PREX2: variants seen among roughly 807,000 people sequenced by gnomAD.
PREX2 encodes the protein phosphatidylinositol-3,4,5-trisphosphate dependent Rac exchange factor 2, also known as phosphatidylinositol 3,4,5-trisphosphate-dependent Rac exchanger 2 protein.
Under a neutral mutation model 203.2 loss-of-function variants are expected in PREX2, and 107 were observed. The observed-to-expected ratio is 0.53, with a 90% CI of 0.45 to 0.62. The LOEUF is 0.62. Ranked by LOEUF, PREX2 falls within the 20% of genes least tolerant of loss-of-function variation. The probability of loss-of-function intolerance (pLI) is 0.00; values close to 1 mark genes in which losing one functional copy is unlikely to be tolerated. For synonymous variants in PREX2, 672 were observed against 663.6 expected, an observed-to-expected ratio of 1.01 and a Z score of -0.19; for missense variants, 1,777 against 1,955.9, an observed-to-expected ratio of 0.91 and a Z score of 1.72.
intron 8 of PREX2, among the ~76,000 whole-genome samples, chr8:68,050,460 C>T (rs980484562): frequency 4.6e-5 from 7 of 152,088 alleles, no homozygotes; most frequent in African/African-American, 1.7e-4. Context: ...AACCAGATCT[C>T]ACGATAACTC....
At chr8:68,120,533 AT>A (rs1459209789) in intron 29 of PREX2, among the ~76,000 whole-genome samples, 2 of 152,188 alleles carry the variant, frequency 1.3e-5, no homozygotes, top group Admixed American at 1.3e-4. Flanking sequence ...CTGAGCAAAA[AT>A]AAGTTAATTG....
intron 1 of PREX2, among the ~76,000 whole-genome samples, chr8:68,004,308 G>GA (rs1159250150): frequency 6.6e-6 from 1 of 152,142 alleles, no homozygotes; most frequent in Non-Finnish European, 1.5e-5. Context: ...TATGGCTGGT[G>GA]AAAAAATGAA....
chr8:68,189,425 C>T (rs967698534), intron 35 of PREX2, among the ~76,000 whole-genome samples: 1 of 152,100 alleles, frequency 6.6e-6, no homozygotes, highest in Non-Finnish European at 1.5e-5. Flanking sequence ...ATTGCATGTT[C>T]CTCACACAAT....
chr8:68,218,226 CT>C, intron 38 of PREX2, among the ~76,000 whole-genome samples: 1 of 152,244 alleles, frequency 6.6e-6, no homozygotes, highest in Non-Finnish European at 1.5e-5. Flanking sequence ...AAATAGCAGT[CT>C]TTGGACTGTC....
At chr8:67,983,599 C>T (rs543737293) in intron 1 of PREX2, among the ~76,000 whole-genome samples, 5 of 152,290 alleles carry the variant, frequency 3.3e-5, no homozygotes, top group African/African-American at 1.2e-4. Context: ...CCATGAGGGC[C>T]TCCAGGATCC....
intron 7 of PREX2, 28 bp from the exon 8 acceptor site, chr8:68,044,459 A>G (rs1187813111): frequency 1.4e-6 from 2 of 1,474,962 alleles, no homozygotes; most frequent in African/African-American, 2.8e-5. Flanking sequence ...TTAGTAACAA[A>G]GTCTTTGTGA....
intron 1 of PREX2, among the ~76,000 whole-genome samples, chr8:68,001,691 A>G (rs1390577123): frequency 6.6e-6 from 1 of 152,234 alleles, no homozygotes; most frequent in African/African-American, 2.4e-5. Context: ...CATGGAATCA[A>G]CCTAAATGCC....
intron 37 of PREX2, among the ~76,000 whole-genome samples, chr8:68,202,485 A>C (rs1189326911): frequency 6.6e-6 from 1 of 152,188 alleles, no homozygotes; most frequent in East Asian, 1.9e-4. Context: ...ATATCAACAA[A>C]AATAAAGATT....
intron 4 of PREX2, among the ~76,000 whole-genome samples, chr8:68,026,578 G>A (rs16934009): frequency 0.16 from 24,164 of 151,808 alleles, 2,374 homozygotes; most frequent in African/African-American, 0.26. Context: ...AGCTGCTTCA[G>A]TTTCACCCCA....
chr8:68,175,360 G>A (rs921538661), intron 35 of PREX2, among the ~76,000 whole-genome samples: 1 of 152,144 alleles, frequency 6.6e-6, no homozygotes, highest in African/African-American at 2.4e-5. Flanking sequence ...AAGCCTGTAA[G>A]TGAGGCAACT....
At chr8:68,093,812 G>A (rs1809969485) in intron 21 of PREX2, 90 bp downstream of exon 21, 3 of 585,638 alleles carry the variant, frequency 5.1e-6, no homozygotes, top group Non-Finnish European at 9.0e-6. Context: ...TCCTGTACAT[G>A]TTGAAGCCAC....
intron 31 of PREX2, among the ~76,000 whole-genome samples, chr8:68,127,830 G>A (rs1810925623): frequency 6.6e-6 from 1 of 152,000 alleles, no homozygotes; most frequent in African/African-American, 2.4e-5. Flanking sequence ...CTTAGTGGGA[G>A]CTCAAAAAAT....
chr8:68,013,195 G>A (rs761960737), intron 1 of PREX2, among the ~76,000 whole-genome samples: 55 of 152,206 alleles, frequency 3.6e-4, no homozygotes, highest in Non-Finnish European at 6.8e-4. Flanking sequence ...ATCCAAATGT[G>A]GGAGACGGAC....
chr8:68,072,579 A>G lies in PREX2; in HGVS notation c.1569+9A>G. The G allele has an allele frequency of 6.5e-7, 1 of 1,528,108 alleles. No homozygotes were observed. The highest frequency in any genetic ancestry group is 9.1e-7 in the Non-Finnish European group (1 of 1,104,568). 94.7% of individuals were successfully genotyped at this position (1,528,108 alleles called of 1,614,324 possible). ...ACTGGTTAATTGCACAGGTAAATAGACAAATAGAAGTTGCTGAGTTTCACT... is the reference window on the plus strand; with the variant it reads ...ACTGGTTAATTGCACAGGTAAATAGGCAAATAGAAGTTGCTGAGTTTCACT... On this transcript the variant is annotated intron_variant, in intron 14 of 39. Transcript: ENST00000288368.
At chr8:68,164,967 A>C (rs2129614080) in intron 35 of PREX2, among the ~76,000 whole-genome samples, 1 of 151,168 alleles carries the variant, frequency 6.6e-6, no homozygotes, top group South Asian at 2.1e-4. Flanking sequence ...AAAAGGAGCT[A>C]ATTCCCTAAT....
intron 23 of PREX2, among the ~76,000 whole-genome samples, chr8:68,104,452 T>C (rs1475944938): frequency 6.6e-6 from 1 of 152,148 alleles, no homozygotes; most frequent in Non-Finnish European, 1.5e-5. Flanking sequence ...TTGCACTGGC[T>C]CTTCCCTCTG....
intron 1 of PREX2, among the ~76,000 whole-genome samples, chr8:67,958,538 G>A (rs1344298114): frequency 6.6e-6 from 1 of 152,182 alleles, no homozygotes; most frequent in Non-Finnish European, 1.5e-5. Context: ...TGTTGACAAG[G>A]TTGAGGAACA....
chr8:68,004,215 G>T (rs1807028373), intron 1 of PREX2, among the ~76,000 whole-genome samples: 1 of 152,112 alleles, frequency 6.6e-6, no homozygotes, highest in Non-Finnish European at 1.5e-5. Flanking sequence ...ATCTCCTTCA[G>T]ACTCAGTTTC....
intron 33 of PREX2, among the ~76,000 whole-genome samples, chr8:68,139,648 A>G (rs934746741): frequency 2.0e-5 from 3 of 152,184 alleles, no homozygotes; most frequent in Non-Finnish European, 4.4e-5. Flanking sequence ...CCCAGGTGGG[A>G]GAGGATGGTG....
Sources: allele counts gnomAD v4.1 joint callset (sites outside exome capture counted in the v4.1 genomes callset), GRCh38; gene constraint gnomAD v4.1.1; transcripts MANE v1.5; gene names NCBI Gene and HGNC (gene_info 2026-07-23, HGNC 2026-07-21).